RNF122: variants seen among roughly 807,000 people sequenced by gnomAD.
RNF122 encodes ring finger protein 122.
In RNF122, 17 loss-of-function variants were observed where a neutral mutation model predicts 24.2. The ratio of observed to expected loss-of-function variants is 0.70; its 90% CI spans 0.48 to 1.06. RNF122 has a LOEUF of 1.06. RNF122 is among the 50% of genes least tolerant of loss of function. RNF122 has a pLI of 0.00. For synonymous variants in RNF122, 65 were observed against 71.8 expected, an observed-to-expected ratio of 0.91 and a Z score of 0.48; for missense variants, 168 against 198.1, an observed-to-expected ratio of 0.85 and a Z score of 0.91.
At chr8:33,549,890 A>G (rs2128838036) in intron 4 of RNF122, among the ~76,000 whole-genome samples, 1 of 151,162 alleles carries the variant, frequency 6.6e-6, no homozygotes, top group Non-Finnish European at 1.5e-5. Context: ...GGCACTTAAT[A>G]CCAACTAGAG....
chr8:33,551,378 T>C lies in RNF122; in HGVS notation c.194A>G (p.Asn65Ser). Residue 65 changes from asparagine to serine, a missense_variant, in exon 3 of 6, where the codon AAC (asparagine) becomes AGC (serine). Physicochemically the swap from Asn to Ser is conservative, Grantham distance 46 (BLOSUM62 1). Transcript: ENST00000256257. ...FCCYFISKLR[N>S]QAQSERYGYK... is the part of the protein sequence containing the mutation. ...TCCGTATCGCTCACTCTGTGCCTGG[T>C]TCCGCAGTTTGCTGGGAGAAAGAGA... is the stretch of plus-strand genomic sequence containing the variant. The C allele has an allele frequency of 6.2e-7, 1 of 1,614,134 alleles. No individual in the cohort carries two copies. Among genetic ancestry groups the C allele is most frequent in the African/African-American group, 1.3e-5 (1 of 75,044 alleles).
chr8:33,560,961 T>G (rs1810532166), intron 1 of RNF122, among the ~76,000 whole-genome samples: 1 of 151,482 alleles, frequency 6.6e-6, no homozygotes. Flanking sequence ...ACAAAAAAAG[T>G]CAAATGGCTG....
chr8:33,566,923 G>A lies in RNF122; in HGVS notation c.-200C>T, dbSNP rs1810635800. The A allele has an allele frequency of 1.6e-6, 1 of 622,932 alleles. No homozygotes were observed. The allele number at this position is 622,932 out of a possible 1,614,324, so 38.6% of individuals were successfully genotyped here. ...TGTTCAGCCCAACAAAGAGGGACGA[G>A]GAGGAAACAAACAAAGTCCCGCGGA... On this transcript the variant is annotated 5_prime_UTR_variant, in exon 1 of 6. Transcript: ENST00000256257.
At chr8:33,565,767 G>A (rs185297752) in intron 1 of RNF122, among the ~76,000 whole-genome samples, 5 of 152,354 alleles carry the variant, frequency 3.3e-5, no homozygotes, top group Non-Finnish European at 7.3e-5. Context: ...ATCTGGCCTT[G>A]TGGCCAGAAA....
chr8:33,558,551 C>G (rs907002636), intron 2 of RNF122, 64 bp downstream of exon 2: 3 of 1,419,792 alleles, frequency 2.1e-6, no homozygotes, highest in Non-Finnish European at 2.8e-6. Flanking sequence ...CTCAGCTTAC[C>G]CCACAACCCT....
chr8:33,549,323 T>C (rs1477401558), intron 5 of RNF122, 87 bp downstream of exon 5: 11 of 1,078,354 alleles, frequency 1.0e-5, no homozygotes, highest in Middle Eastern at 2.0e-4. Context: ...AAGGGGCAAA[T>C]AGAAAGTGGC....
intron 1 of RNF122, among the ~76,000 whole-genome samples, chr8:33,565,625 C>A (rs922789571): frequency 2.6e-5 from 4 of 152,198 alleles, no homozygotes; most frequent in African/African-American, 9.7e-5. Flanking sequence ...CCCAGTATCA[C>A]CTGAACCTCC....
chr8:33,564,545 C>T (rs1300576498), intron 1 of RNF122, among the ~76,000 whole-genome samples: 1 of 150,756 alleles, frequency 6.6e-6, no homozygotes, highest in African/African-American at 2.5e-5. Flanking sequence ...TGCACTCCAG[C>T]ATGGTTGTCG....
intron 1 of RNF122, 90 bp from the exon 2 acceptor site, chr8:33,558,861 G>T: frequency 9.5e-7 from 1 of 1,047,260 alleles, no homozygotes; most frequent in Non-Finnish European, 1.3e-6. Flanking sequence ...ATAACTGGCA[G>T]GCTCTGGGCA....
At chr8:33,556,762 T>C (rs569034989) in intron 2 of RNF122, among the ~76,000 whole-genome samples, 4 of 152,188 alleles carry the variant, frequency 2.6e-5, no homozygotes, top group African/African-American at 9.7e-5. Flanking sequence ...CAGACCCAAC[T>C]GTACAAGAGG....
chr8:33,559,566 C>T (rs1810509466), intron 1 of RNF122, among the ~76,000 whole-genome samples: 1 of 152,084 alleles, frequency 6.6e-6, no homozygotes, highest in African/African-American at 2.4e-5. Flanking sequence ...AGGACAATTG[C>T]AAAGGTCATT....
intron 2 of RNF122, among the ~76,000 whole-genome samples, chr8:33,552,759 G>A (rs186597187): frequency 2.1e-3 from 326 of 152,190 alleles, no homozygotes; most frequent in Admixed American, 5.4e-3. Flanking sequence ...GGTAGCTTTA[G>A]AATGCCTCCT....
chr8:33,559,682 G>A (rs1344421280), intron 1 of RNF122, among the ~76,000 whole-genome samples: 1 of 152,052 alleles, frequency 6.6e-6, no homozygotes, highest in Non-Finnish European at 1.5e-5. Context: ...GGCGATGGGG[G>A]TGGGGAGGAG....
chr8:33,556,879 G>C (rs897275853), intron 2 of RNF122, among the ~76,000 whole-genome samples: 4 of 152,220 alleles, frequency 2.6e-5, no homozygotes, highest in African/African-American at 9.6e-5. Context: ...GTAGCACCTG[G>C]GAGTGGTGGG....
In RNF122 at chr8:33,551,358, A is replaced by G. The variant is rs1044770908; in HGVS notation, c.214T>C (p.Tyr72His). 13 of 1,613,984 alleles carry G rather than the reference A, an allele frequency of 8.1e-6. No individual in the cohort carries two copies. Among genetic ancestry groups the G allele is most frequent in the Non-Finnish European group, 1.1e-5 (13 of 1,179,982 alleles). Residue 72 changes from tyrosine (Y) to histidine (H), a missense_variant, in exon 3 of 6, where the codon TAC becomes CAC. Transcript: ENST00000256257. ...CAGCACTTTACCTCCTTATATCCGT[A>G]TCGCTCACTCTGTGCCTGGTTCCGC... ...KLRNQAQSER[Y>H]GYKEVVLKGD...
At chr8:33,565,197 C>T (rs1005658737) in intron 1 of RNF122, among the ~76,000 whole-genome samples, 3 of 152,142 alleles carry the variant, frequency 2.0e-5, no homozygotes, top group African/African-American at 7.2e-5. Flanking sequence ...CCTCTGCCCC[C>T]TCTCCCACAA....
intron 1 of RNF122, among the ~76,000 whole-genome samples, chr8:33,559,346 G>A (rs2128840006): frequency 6.6e-6 from 1 of 151,924 alleles, no homozygotes; most frequent in African/African-American, 2.4e-5. Context: ...TTAGGCAATG[G>A]GCAGAAACTG....
chr8:33,552,299 T>C (rs998908470), intron 2 of RNF122, among the ~76,000 whole-genome samples: 1 of 152,004 alleles, frequency 6.6e-6, no homozygotes, highest in African/African-American at 2.4e-5. Context: ...CTTGGGAGAC[T>C]GAGGCAGGAG....
Position 33,566,813 on chromosome 8 carries a change from G to A in RNF122, c.-90C>T. ...GGGAGCACTAGCGGCGTGAGGGGCC[G>A]CAGGCGGGGTCGGGGCAGCGCGCTG... On this transcript the variant is annotated 5_prime_UTR_variant, in exon 1 of 6. Transcript: ENST00000256257. 1.4e-6 allele frequency: 2 copies of A among 1,453,056 alleles called. No homozygotes were observed. Among genetic ancestry groups the A allele is most frequent in the South Asian group, 1.2e-5 (1 of 82,408 alleles). The allele number at this position is 1,453,056 out of a possible 1,614,324, so 90.0% of individuals were successfully genotyped here.
Sources: gnomAD v4.1 joint callset for allele counts (sites outside exome capture counted in the v4.1 genomes callset) on GRCh38, gnomAD v4.1.1 for gene constraint, MANE v1.5 for transcripts, NCBI Gene and HGNC (gene_info 2026-07-23, HGNC 2026-07-21) for gene names.